Variants in REEP3 observed in about 807,000 individuals in gnomAD.
REEP3 encodes receptor accessory protein 3.
In REEP3, 20 loss-of-function variants were observed where a neutral mutation model predicts 41.3. The observed-to-expected ratio is 0.48, with a 90% confidence interval of 0.34 to 0.70. The LOEUF is 0.70. Ranked by LOEUF, REEP3 falls within the 30% of genes least tolerant of loss-of-function variation. The pLI is 0.01. For missense variants in REEP3, 271 were observed against 308.8 expected, an observed-to-expected ratio of 0.88 and a Z score of 0.92; for synonymous variants, 104 against 101.8, an observed-to-expected ratio of 1.02 and a Z score of -0.13.
chr10:63,556,086 A>G (rs932288518), intron 1 of REEP3, among the ~76,000 whole-genome samples: 22 of 152,238 alleles, frequency 1.4e-4, no homozygotes, highest in African/African-American at 4.8e-4. Context: ...ATTCTTATAA[A>G]CTATTTCTGG....
intron 1 of REEP3, among the ~76,000 whole-genome samples, chr10:63,533,578 A>G (rs956599039): frequency 6.6e-6 from 1 of 152,042 alleles, no homozygotes; most frequent in Admixed American, 6.6e-5. Context: ...TTAACTTTGT[A>G]TACCTAAGTT....
At chr10:63,552,987 T>C (rs933006825) in intron 1 of REEP3, among the ~76,000 whole-genome samples, 1 of 152,284 alleles carries the variant, frequency 6.6e-6, no homozygotes, top group Non-Finnish European at 1.5e-5. Flanking sequence ...CAGTTGACCA[T>C]CTCAAGAGAA....
intron 1 of REEP3, among the ~76,000 whole-genome samples, chr10:63,539,282 A>G (rs1564993400): frequency 1.3e-5 from 2 of 152,136 alleles, no homozygotes; most frequent in Non-Finnish European, 2.9e-5. Context: ...GTAACATTTA[A>G]TCTGTCAAAC....
At chr10:63,556,106 T>C (rs1318307163) in intron 1 of REEP3, among the ~76,000 whole-genome samples, 2 of 152,050 alleles carry the variant, frequency 1.3e-5, no homozygotes, top group East Asian at 3.8e-4. Flanking sequence ...GGATTCCTCA[T>C]TGAGATTAAG....
At chr10:63,596,318 C>T (rs936149101) in intron 3 of REEP3, among the ~76,000 whole-genome samples, 2 of 143,716 alleles carry the variant, frequency 1.4e-5, no homozygotes, top group African/African-American at 5.4e-5. Flanking sequence ...CACAGATCCC[C>T]AACCGTGCTA....
At chr10:63,602,396 G>A (rs910091559) in intron 5 of REEP3, among the ~76,000 whole-genome samples, 3 of 152,132 alleles carry the variant, frequency 2.0e-5, no homozygotes, top group Admixed American at 6.5e-5. Flanking sequence ...ATAAAATTTA[G>A]CATTTTTGAT....
intron 5 of REEP3, among the ~76,000 whole-genome samples, chr10:63,606,352 C>G (rs115130808): frequency 4.4e-5 from 1 of 22,882 alleles, no homozygotes; most frequent in South Asian, 3.8e-3. Context: ...TTCTCTCTCT[C>G]TCTTTCTTTC....
chr10:63,566,459 TAC>T (rs758157732), intron 2 of REEP3, 49 bp downstream of exon 2: 1 of 1,051,654 alleles, frequency 9.5e-7, no homozygotes, highest in South Asian at 1.5e-5. Context: ...ATTTTAATGA[TAC>T]ACACTGAAAA....
chr10:63,616,998 A>ATTT (rs551567226), intron 6 of REEP3, among the ~76,000 whole-genome samples: 1 of 150,272 alleles, frequency 6.7e-6, no homozygotes, highest in Non-Finnish European at 1.5e-5. Flanking sequence ...CTATATGTAC[A>ATTT]TTTTTTTTTT....
At chr10:63,565,389 T>C (rs1218566124) in intron 1 of REEP3, among the ~76,000 whole-genome samples, 1 of 152,266 alleles carries the variant, frequency 6.6e-6, no homozygotes, top group Non-Finnish European at 1.5e-5. Flanking sequence ...TCTGTGTCTA[T>C]CTTTTCATTA....
chr10:63,552,603 T>C (rs934127670), intron 1 of REEP3, among the ~76,000 whole-genome samples: 1 of 152,194 alleles, frequency 6.6e-6, no homozygotes, highest in Non-Finnish European at 1.5e-5. Flanking sequence ...AGTGCCCTCA[T>C]GATGAGGAAT....
chr10:63,617,812 C>CTTTTT (rs60910642), intron 6 of REEP3, among the ~76,000 whole-genome samples: 2 of 83,550 alleles, frequency 2.4e-5, no homozygotes, highest in Admixed American at 1.5e-4. Flanking sequence ...TCCTTCTACT[C>CTTTTT]TTTTTTTTTT....
At chr10:63,605,442 G>A (rs1383830058) in intron 5 of REEP3, among the ~76,000 whole-genome samples, 1 of 152,174 alleles carries the variant, frequency 6.6e-6, no homozygotes, top group Non-Finnish European at 1.5e-5. Context: ...ATAGAGCTTA[G>A]TGGCTATTCT....
At chr10:63,610,797 A>G (rs1956271948) in intron 6 of REEP3, among the ~76,000 whole-genome samples, 1 of 152,280 alleles carries the variant, frequency 6.6e-6, no homozygotes, top group South Asian at 2.1e-4. Context: ...CAGGCTGGGC[A>G]CAGTGGCTCA....
chr10:63,551,920 A>T (rs1225409641), intron 1 of REEP3, among the ~76,000 whole-genome samples: 2 of 152,206 alleles, frequency 1.3e-5, no homozygotes, highest in African/African-American at 4.8e-5. Context: ...TTTAAGAATA[A>T]GAGAAATCAG....
At chr10:63,591,401 A>T (rs977658311) in intron 2 of REEP3, among the ~76,000 whole-genome samples, 2 of 144,112 alleles carry the variant, frequency 1.4e-5, no homozygotes, top group African/African-American at 4.9e-5. Flanking sequence ...CATATTTCTG[A>T]TGAGAACAAA....
chr10:63,552,129 G>T (rs1183095990), intron 1 of REEP3, among the ~76,000 whole-genome samples: 2 of 152,152 alleles, frequency 1.3e-5, no homozygotes, highest in African/African-American at 4.8e-5. Context: ...CTGGGGCCGG[G>T]CACAGTGGCT....
At chr10:63,522,597 A>G (rs1955292174) in intron 1 of REEP3, among the ~76,000 whole-genome samples, 1 of 152,176 alleles carries the variant, frequency 6.6e-6, no homozygotes, top group South Asian at 2.1e-4. Flanking sequence ...AAAAATGTTT[A>G]TGTGAGGGGG....
chr10:63,602,355 G>A (rs1956179964), intron 5 of REEP3, among the ~76,000 whole-genome samples: 1 of 152,174 alleles, frequency 6.6e-6, no homozygotes, highest in Admixed American at 6.5e-5. Context: ...ATGAAGAGGA[G>A]AAGGAGACTA....
Sources: allele counts gnomAD v4.1 joint callset (sites outside exome capture counted in the v4.1 genomes callset), GRCh38; gene constraint gnomAD v4.1.1; transcripts MANE v1.5; gene names NCBI Gene and HGNC (gene_info 2026-07-23, HGNC 2026-07-21).